Variants in ZNF462 observed in about 807,000 individuals in gnomAD.
ZNF462 encodes zinc finger PBX1-interacting protein.
A neutral mutation model predicts 201.9 loss-of-function variants in ZNF462; 10 were observed. The ratio of observed to expected loss-of-function variants is 0.05; its 90% CI spans 0.03 to 0.08. The LOEUF (loss-of-function observed/expected upper bound fraction) is 0.08, where lower values mean the gene tolerates loss of function less well. ZNF462 is among the 10% of genes least tolerant of loss of function. The probability of loss-of-function intolerance (pLI) is 1.00; values close to 1 mark genes in which losing one functional copy is unlikely to be tolerated. For missense variants in ZNF462, 2,523 were observed against 3,168.3 expected, an observed-to-expected ratio of 0.80 and a Z score of 4.89; for synonymous variants, 1,227 against 1,193.3, an observed-to-expected ratio of 1.03 and a Z score of -0.58.
chr9:106,982,742 G>A (rs879838640), intron 9 of ZNF462, among the ~76,000 whole-genome samples: 8 of 152,136 alleles, frequency 5.3e-5, no homozygotes, highest in Non-Finnish European at 1.2e-4. Flanking sequence ...TTTGCGGGCC[G>A]ATTAATCGCT....
chr9:107,010,705 C>G lies in ZNF462; in HGVS notation c.7314-118C>G. On this transcript the variant is annotated intron_variant, in intron 12 of 12. Coordinates refer to ENST00000277225, the MANE Select transcript of ZNF462 (RefSeq NM_021224.6). The surrounding 1 kb of genome is among the most constrained non-coding windows in gnomAD (Gnocchi z 4.6). ...CCATGGCATTTGTTCAAAGGAAACC[C>G]CAAGGCTTTTTGAGGATCAGGAAAA... is the stretch of plus-strand genomic sequence containing the variant. 9.8e-7 allele frequency: 1 copy of G among 1,019,184 alleles called. No individual in the cohort carries two copies. The highest frequency in any genetic ancestry group is 1.4e-6 in the Non-Finnish European group (1 of 720,640). 63.1% of individuals were successfully genotyped at this position (1,019,184 alleles called of 1,614,324 possible).
Position 106,936,018 on chromosome 9 carries a change from G to A in ZNF462, c.6235+397G>A, listed in dbSNP as rs140287387. Among the ~76,000 whole-genome samples, 17 of 152,300 alleles carry A rather than the reference G, an allele frequency of 1.1e-4. No individual in the cohort carries two copies. The East Asian group carries it at 3.3e-3, about 29-fold the overall frequency. On this transcript the variant is annotated intron_variant, in intron 6 of 12. Transcript: ENST00000277225. ...TTACCAACTTAAGGAAGTTAGAAAG[G>A]GCAAAGGGAACTCAAGATGTGTGAG...
chr9:106,934,501 G>A (rs909943778), intron 5 of ZNF462, among the ~76,000 whole-genome samples: 6 of 152,168 alleles, frequency 3.9e-5, no homozygotes, highest in African/African-American at 1.4e-4. Flanking sequence ...AAAGGTTAGT[G>A]CCATTTATAG....
intron 7 of ZNF462, among the ~76,000 whole-genome samples, chr9:106,969,405 T>G (rs987968167): frequency 3.9e-5 from 6 of 152,184 alleles, no homozygotes; most frequent in Non-Finnish European, 8.8e-5. Context: ...ATTTGTTTTT[T>G]GAGATGGATG....
rs1452760939 is a variant in ZNF462 at position 106,883,082 on chromosome 9, T to A, written c.-31+19727T>A. 1.3e-5 allele frequency among the ~76,000 whole-genome samples: 2 copies of A among 152,206 alleles called. No homozygotes were observed. The highest frequency in any genetic ancestry group is 4.8e-5 in the African/African-American group (2 of 41,450). The stretch of plus-strand genomic sequence containing the variant: ...ATGGAATGATTTAGATCATTGAAAG[T>A]CTACTATGTGCAGAAGCCTTCTAGG... On this transcript the variant is annotated intron_variant, in intron 1 of 12. Coordinates refer to ENST00000277225, the MANE Select transcript of ZNF462 (RefSeq NM_021224.6). This position sits in a 1 kb window ranked among gnomAD's most constrained non-coding sequence, Gnocchi z 4.9.
chr9:106,962,632 ATTTTG>A lies in ZNF462; in HGVS notation c.6428-9358_6428-9354del, dbSNP rs1201773241. On this transcript the variant is annotated intron_variant, in intron 7 of 12. Coordinates refer to ENST00000277225, the MANE Select transcript of ZNF462 (RefSeq NM_021224.6). This position sits in a 1 kb window ranked among gnomAD's most constrained non-coding sequence, Gnocchi z 4.6. ...TGTTTGTATCATTTTGCAGGCTAAT[ATTTTG>A]TTTTGTTTTGTTTTCTCAATCTATT... is the stretch of plus-strand genomic sequence containing the variant. Among the ~76,000 whole-genome samples, 1 of 151,920 alleles carries A rather than the reference ATTTTG, an allele frequency of 6.6e-6. No homozygotes were observed. The highest frequency in any genetic ancestry group is 1.9e-4 in the East Asian group (1 of 5,160).
At position 107,000,147 on chromosome 9, in the gene ZNF462, T is replaced by C. The variant is rs80028730; in HGVS notation, c.7057-3147T>C. On this transcript the variant is annotated intron_variant, in intron 10 of 12. Coordinates refer to ENST00000277225, the MANE Select transcript of ZNF462 (RefSeq NM_021224.6). ...ATGAGAGAGTGTCAGACAGGTGAGATGGTGGAGGCATAGACTCCTCGAGGG... is the reference window on the plus strand; with the variant it reads ...ATGAGAGAGTGTCAGACAGGTGAGACGGTGGAGGCATAGACTCCTCGAGGG... Among the ~76,000 whole-genome samples the C allele has an allele frequency of 1.8e-3, 268 of 151,924 alleles. 3 individuals are homozygous for C. The Middle Eastern group carries it at 0.048, about 27-fold the overall frequency.
At chr9:106,949,593 G>GC (rs2131747927) in intron 7 of ZNF462, among the ~76,000 whole-genome samples, 1 of 152,144 alleles carries the variant, frequency 6.6e-6, no homozygotes, top group East Asian at 1.9e-4. Context: ...TTTCCAAGCA[G>GC]CCACGGAGAC....
intron 10 of ZNF462, among the ~76,000 whole-genome samples, chr9:106,989,232 G>C (rs779377769): frequency 6.6e-6 from 1 of 152,000 alleles, no homozygotes; most frequent in Admixed American, 6.6e-5. Context: ...ATTTTGCTGG[G>C]AGTTTTAATC....
Position 106,928,226 on chromosome 9 carries a change from G to A in ZNF462, c.4314G>A (p.Pro1438=), listed in dbSNP as rs750315642. The change falls in exon 3 of 13, where the codon CCG becomes CCA. Residue 1438 remains proline (P), a synonymous_variant. Transcript: ENST00000277225. This position sits in a 1 kb window ranked among gnomAD's most constrained non-coding sequence, Gnocchi z 9.3. ...AAAACAGTATACCCACCCCTTTCCC[G>A]GAGCAGGAAGCTGAATGTCCAGAGG... ...NCENSIPTPF[P]EQEAECPEDA... 5.3e-5 allele frequency: 86 copies of A among 1,613,930 alleles called. No homozygotes were observed. Among genetic ancestry groups the A allele is most frequent in the South Asian group, 4.2e-4 (38 of 91,072 alleles).
intron 7 of ZNF462, among the ~76,000 whole-genome samples, chr9:106,944,524 G>A (rs774894073): frequency 2.6e-5 from 4 of 152,122 alleles, no homozygotes; most frequent in Non-Finnish European, 5.9e-5. Context: ...TTAAATTAGG[G>A]TCACTAGCAT....
In ZNF462 at chr9:106,902,213, G is replaced by T. The variant is rs1434691745; in HGVS notation, c.-30-21141G>T. Among the ~76,000 whole-genome samples the T allele has an allele frequency of 3.3e-5, 5 of 152,132 alleles. No homozygotes were observed. Among genetic ancestry groups the T allele is most frequent in the Non-Finnish European group, 7.3e-5 (5 of 68,028 alleles). On this transcript the variant is annotated intron_variant, in intron 1 of 12. Transcript: ENST00000277225. The surrounding 1 kb of genome is among the most constrained non-coding windows in gnomAD (Gnocchi z 4.2). ...TTATTTTTAATTCTGTTTATGTGGT[G>T]TATCACATTTATTGACTCATGTATG...
At chr9:106,939,182 T>A in intron 7 of ZNF462, 75 bp downstream of exon 7, 1 of 1,367,934 alleles carries the variant, frequency 7.3e-7, no homozygotes, top group Non-Finnish European at 9.8e-7. Context: ...AATCATTTTT[T>A]TTAGAGGAAA....
chr9:106,952,002 C>A (rs1164088709), intron 7 of ZNF462, among the ~76,000 whole-genome samples: 2 of 152,092 alleles, frequency 1.3e-5, no homozygotes, highest in Non-Finnish European at 2.9e-5. Context: ...ACATTAGGGG[C>A]AAATGATCTT....
Position 106,929,421 on chromosome 9 carries a change from G to A in ZNF462, c.5509G>A (p.Glu1837Lys), listed in dbSNP as rs1372695272. 2 of 1,614,112 alleles carry A rather than the reference G, an allele frequency of 1.2e-6. No homozygotes were observed. Among genetic ancestry groups the A allele is most frequent in the Non-Finnish European group, 1.7e-6 (2 of 1,180,040 alleles). Residue 1837 changes from glutamate (E) to lysine (K), a missense_variant, in exon 3 of 13, where the codon GAA (glutamate) becomes AAA (lysine). Physicochemically the swap from Glu to Lys is moderately conservative, Grantham distance 56. Transcript: ENST00000277225. This position sits in a 1 kb window ranked among gnomAD's most constrained non-coding sequence, Gnocchi z 8.7. ...GNFEKAEVEG[E>K]AQEIEWLPFR... ...CTTTGAGAAAGCCGAGGTGGAGGGT[G>A]AAGCTCAGGAAATCGAGTGGCTCCC...
At chr9:106,875,046 C>T (rs1231431735) in intron 1 of ZNF462, among the ~76,000 whole-genome samples, 1 of 152,182 alleles carries the variant, frequency 6.6e-6, no homozygotes, top group African/African-American at 2.4e-5. Context: ...CATTTCTAGA[C>T]ATCAACTACA....
chr9:106,864,095 T>TCTCTCTCTCC (rs1827206117), intron 1 of ZNF462, among the ~76,000 whole-genome samples: 1 of 113,580 alleles, frequency 8.8e-6, no homozygotes, highest in Admixed American at 8.8e-5. Context: ...TCTCTCTCTC[T>TCTCTCTCTCC]CTCTCTCTCT....
intron 5 of ZNF462, among the ~76,000 whole-genome samples, chr9:106,934,156 G>A (rs980095110): frequency 5.9e-5 from 9 of 152,162 alleles, no homozygotes; most frequent in Non-Finnish European, 1.0e-4. Context: ...TATAAGGTAT[G>A]GCCCCATTAT....
chr9:106,879,593 A>C (rs1828001717), intron 1 of ZNF462, among the ~76,000 whole-genome samples: 1 of 152,182 alleles, frequency 6.6e-6, no homozygotes. Context: ...ATGGAATCCC[A>C]TTGTATGTCC....
Sources: gnomAD v4.1 joint callset for allele counts (sites outside exome capture counted in the v4.1 genomes callset) on GRCh38, gnomAD v4.1.1 for gene constraint, Gnocchi (gnomAD v3.1) non-coding constraint, MANE v1.5 for transcripts, NCBI Gene and HGNC (gene_info 2026-07-23, HGNC 2026-07-21) for gene names.